The following TFAP4 variants were observed in gnomAD, a reference collection of about 807,000 sequenced individuals.
TFAP4 encodes transcription factor AP-4, also known as activating enhancer-binding protein 4.
Under a neutral mutation model 40.4 loss-of-function variants are expected in TFAP4, and 7 were observed. The ratio of observed to expected loss-of-function variants is 0.17; its 90% CI spans 0.10 to 0.33. The LOEUF (loss-of-function observed/expected upper bound fraction) is 0.33, where lower values mean the gene tolerates loss of function less well. TFAP4 is among the 10% of genes least tolerant of loss of function. TFAP4 has a pLI of 1.00. For synonymous variants in TFAP4, 218 were observed against 181.4 expected, an observed-to-expected ratio of 1.20 and a Z score of -1.62; for missense variants, 374 against 451.1, an observed-to-expected ratio of 0.83 and a Z score of 1.55.
intron 1 of TFAP4, 21 bp downstream of exon 1, chr16:4,272,636 TG>T: frequency 7.2e-7 from 1 of 1,396,494 alleles, no homozygotes; most frequent in Non-Finnish European, 9.5e-7. Context: ...AGGAAGGGGG[TG>T]GGGGGAGGAG....
At chr16:4,259,763 G>A (rs536355516) in intron 6 of TFAP4, among the ~76,000 whole-genome samples, 9 of 152,120 alleles carry the variant, frequency 5.9e-5, no homozygotes, top group African/African-American at 1.9e-4. Context: ...ACAATGTTCC[G>A]GACCAACCCA....
chr16:4,259,106 A>C (rs2052923664), intron 6 of TFAP4, among the ~76,000 whole-genome samples: 1 of 152,088 alleles, frequency 6.6e-6, no homozygotes, highest in African/African-American at 2.4e-5. Flanking sequence ...AAGAAAAAAA[A>C]AGAAATAATA....
chr16:4,272,493 G>A (rs1426971506), intron 1 of TFAP4, among the ~76,000 whole-genome samples, 165 bp downstream of exon 1: 1 of 151,930 alleles, frequency 6.6e-6, no homozygotes, highest in East Asian at 2.0e-4. Flanking sequence ...GGAGGGTCCC[G>A]GGGCGGCGCG....
chr16:4,265,150 A>C (rs1423372099), intron 1 of TFAP4: 1 of 152,132 alleles, frequency 6.6e-6, no homozygotes, highest in African/African-American at 2.4e-5. Flanking sequence ...GGTGGCCTGA[A>C]GACTCCCATG....
At chr16:4,262,906 G>A (rs762238230) in intron 1 of TFAP4, 19 of 597,066 alleles carry the variant, frequency 3.2e-5, no homozygotes, top group Non-Finnish European at 5.0e-5. Flanking sequence ...AACCCACCCC[G>A]GGCCAGGCAC....
At chr16:4,262,798 A>G (rs2052960529) in intron 1 of TFAP4, 97 bp from the exon 2 acceptor site, 1 of 1,407,234 alleles carries the variant, frequency 7.1e-7, no homozygotes, top group East Asian at 2.3e-5. Context: ...CCCTGCTGCA[A>G]AAGATGCCAG....
chr16:4,266,669 G>A (rs1333746378), intron 1 of TFAP4: 1 of 152,202 alleles, frequency 6.6e-6, no homozygotes, highest in Non-Finnish European at 1.5e-5. Flanking sequence ...GAAATTTCCA[G>A]GTGATACTGC....
intron 3 of TFAP4, 156 bp downstream of exon 3, chr16:4,262,168 G>A (rs140510691): frequency 2.2e-4 from 212 of 977,508 alleles, no homozygotes; most frequent in Middle Eastern, 9.6e-4. Context: ...GCACTTGACC[G>A]ATGGGGAAAC....
chr16:4,261,947 C>A lies in TFAP4; in HGVS notation c.357G>T (p.Glu119Asp). 6.2e-7 allele frequency: 1 copy of A among 1,602,646 alleles called. No homozygotes were observed. The highest frequency in any genetic ancestry group is 8.5e-7 in the Non-Finnish European group (1 of 1,175,866). The change falls in exon 4 of 7, where the codon GAG becomes GAT. Residue 119 changes from glutamate (E) to aspartate (D), a missense_variant and splice_region_variant. Coordinates refer to ENST00000204517, the MANE Select transcript of TFAP4 (RefSeq NM_003223.3). ...GTCGCTTGGGGGACGAGCCGCTCAG[C>A]TCCTGGGGACCCCAAGGAGTCGGTC... ...QNTQLKRFIQ[E>D]LSGSSPKRRR...
At position 4,260,598 on chromosome 16, in the gene TFAP4, G is replaced by A. The variant is rs1345446817; in HGVS notation, c.526-3C>T. 9.4e-6 allele frequency: 15 copies of A among 1,593,102 alleles called. No homozygotes were observed. Among genetic ancestry groups the A allele is most frequent in the Admixed American group, 3.5e-5 (2 of 57,334 alleles). ...ATGTGGGCCTCCAGCGAGCGCACCT[G>A]GAGGCAGGACAACCTGGGCTCAGGG... On this transcript the variant is annotated splice_polypyrimidine_tract_variant and splice_region_variant and intron_variant, in intron 4 of 6. Coordinates refer to ENST00000204517, the MANE Select transcript of TFAP4 (RefSeq NM_003223.3).
chr16:4,261,739 C>T, intron 4 of TFAP4, 40 bp downstream of exon 4: 1 of 1,551,296 alleles, frequency 6.4e-7, no homozygotes, highest in Non-Finnish European at 8.7e-7. Flanking sequence ...TCCACGCCCT[C>T]TGCACCGCGC....
intron 6 of TFAP4, 86 bp from the exon 7 acceptor site, chr16:4,258,335 C>A (rs1597310573): frequency 7.4e-7 from 1 of 1,342,550 alleles, no homozygotes; most frequent in East Asian, 2.4e-5. Flanking sequence ...CAGCCACTGT[C>A]ACCCCCAAAA....
chr16:4,264,876 A>T (rs1291710258), intron 1 of TFAP4: 1 of 152,268 alleles, frequency 6.6e-6, no homozygotes, highest in Non-Finnish European at 1.5e-5. Flanking sequence ...GGAAGCCACA[A>T]CACAAGGTAA....
rs138785355 is a variant in TFAP4, at chr16:4,259,468, C to G, written c.822+622G>C. ...ATGTATTTTAAAGCTTGCCTATTAA[C>G]TTATTAAAGGCGTTTGTTATTAATT... On this transcript the variant is annotated intron_variant, in intron 6 of 6. Coordinates refer to ENST00000204517, the MANE Select transcript of TFAP4 (RefSeq NM_003223.3). Among the ~76,000 whole-genome samples, 627 of 152,280 alleles carry G rather than the reference C, an allele frequency of 4.1e-3. 7 individuals are homozygous for G. Among genetic ancestry groups the G allele is most frequent in the African/African-American group, 0.015 (603 of 41,554 alleles).
chr16:4,270,381 G>A (rs906833648), intron 1 of TFAP4, among the ~76,000 whole-genome samples: 1 of 152,156 alleles, frequency 6.6e-6, no homozygotes, highest in African/African-American at 2.4e-5. Flanking sequence ...ATCCCTGCTG[G>A]TCACTGAGGG....
chr16:4,258,025 C>T lies in TFAP4; in HGVS notation c.*30G>A. 1 of 1,598,434 alleles carries T rather than the reference C, an allele frequency of 6.3e-7. No homozygotes were observed. The highest frequency in any genetic ancestry group is 8.5e-7 in the Non-Finnish European group (1 of 1,174,318). On this transcript the variant is annotated 3_prime_UTR_variant, in exon 7 of 7. Transcript: ENST00000204517. ...TGGCTGCCCCGGCTCCCTCCAGCCC[C>T]CAGAAGGGAGAGGAGGGCTGGGGGG...
At chr16:4,265,730 C>T (rs1030228303) in intron 1 of TFAP4, 3 of 151,390 alleles carry the variant, frequency 2.0e-5, no homozygotes, top group Non-Finnish European at 2.9e-5. Context: ...CTCACAAAAC[C>T]CAGTGGGGTG....
chr16:4,261,694 C>G lies in TFAP4; in HGVS notation c.525+85G>C, dbSNP rs150207807. On this transcript the variant is annotated intron_variant, in intron 4 of 6. Transcript: ENST00000204517. ...AGGTGCTCCTGTAAATAGGGCTCCA[C>G]CGAGGGCCGCAGAGCAAGAGGCGCG... is the stretch of plus-strand genomic sequence containing the variant. 125 of 1,422,444 alleles carry G rather than the reference C, an allele frequency of 8.8e-5. No homozygotes were observed. In the African/African-American group the frequency reaches 1.7e-3, roughly 19 times the overall value. 88.1% of individuals were successfully genotyped at this position (1,422,444 alleles called of 1,614,324 possible). A position where few individuals can be genotyped will look rare whatever the true frequency, so the allele number is the denominator to read the frequency against.
chr16:4,272,547 G>T, intron 1 of TFAP4, 111 bp downstream of exon 1: 1 of 723,516 alleles, frequency 1.4e-6, no homozygotes, highest in Non-Finnish European at 2.0e-6. Context: ...GCTAAGAAAG[G>T]CTAGCGGGGT....
Sources: allele counts gnomAD v4.1 joint callset (sites outside exome capture counted in the v4.1 genomes callset), GRCh38; gene constraint gnomAD v4.1.1; transcripts MANE v1.5; gene names NCBI Gene and HGNC (gene_info 2026-07-23, HGNC 2026-07-21).